Variants in RABGAP1 observed in about 807,000 individuals in gnomAD.
RABGAP1 encodes the protein rab GTPase-activating protein 1.
In RABGAP1, 23 loss-of-function variants were observed where a neutral mutation model predicts 137.6. That is an observed-to-expected ratio of 0.17 (90% CI 0.12 to 0.24). RABGAP1 has a LOEUF of 0.24. RABGAP1 is among the 10% of genes least tolerant of loss of function. The pLI is 1.00. For missense variants in RABGAP1, 906 were observed against 1,275.8 expected (o/e 0.71, Z 4.42); for synonymous variants, 451 against 450.7 (o/e 1.00, Z -0.01).
intron 13 of RABGAP1, among the ~76,000 whole-genome samples, chr9:123,052,015 C>T (rs2033504252): frequency 6.7e-6 from 1 of 150,272 alleles, no homozygotes; most frequent in Non-Finnish European, 1.5e-5. Flanking sequence ...CCGTATTAGC[C>T]AGAATGGTCT....
chr9:123,020,430 G>A lies in RABGAP1; in HGVS notation c.1765G>A (p.Val589Ile), dbSNP rs568626442. 1 of 1,602,524 alleles carries A rather than the reference G, an allele frequency of 6.2e-7. No homozygotes were observed. The highest frequency in any genetic ancestry group is 1.7e-5 in the Admixed American group (1 of 58,790). Reference sequence around the variant, plus strand: ...AGGCTGTCATAACAATGACCACCTGGTAGAGAAATACCGCATTCTTATCAC... The same window carrying A: ...AGGCTGTCATAACAATGACCACCTGATAGAGAAATACCGCATTCTTATCAC... ...LAGCHNNDHL[V>I]EKYRILITKE... The change falls in exon 13 of 26, where the codon GTA becomes ATA. Residue 589 changes from valine (V) to isoleucine (I), a missense_variant. This residue lies in a region of RABGAP1 where 212 missense variants were observed against 289.4 expected (regional missense o/e 0.73). Coordinates refer to ENST00000373647, the MANE Select transcript of RABGAP1 (RefSeq NM_012197.4).
intron 13 of RABGAP1, among the ~76,000 whole-genome samples, chr9:123,030,943 TATTA>T (rs1194736569): frequency 6.6e-6 from 1 of 152,186 alleles, no homozygotes; most frequent in Non-Finnish European, 1.5e-5. Context: ...TAAATGTGGC[TATTA>T]GTCTTTTTTT....
intron 13 of RABGAP1, among the ~76,000 whole-genome samples, chr9:123,057,864 AAC>A (rs957153674): frequency 6.6e-6 from 1 of 152,206 alleles, no homozygotes; most frequent in African/African-American, 2.4e-5. Flanking sequence ...CAGCCCCGCC[AAC>A]ACAGCAAAAC....
chr9:123,064,731 G>A (rs186638889), intron 13 of RABGAP1, among the ~76,000 whole-genome samples: 62 of 152,306 alleles, frequency 4.1e-4, no homozygotes, highest in Non-Finnish European at 7.4e-4. Context: ...CATTTGTTCC[G>A]TTTTAGTTAA....
At chr9:123,017,469 T>G (rs886284742) in intron 12 of RABGAP1, among the ~76,000 whole-genome samples, 6 of 152,228 alleles carry the variant, frequency 3.9e-5, no homozygotes, top group Admixed American at 3.9e-4. Flanking sequence ...GTGTCTCTTC[T>G]TTAGTTCATT....
intron 13 of RABGAP1, among the ~76,000 whole-genome samples, chr9:123,027,951 A>T (rs1253416331): frequency 1.3e-5 from 2 of 152,182 alleles, no homozygotes; most frequent in African/African-American, 4.8e-5. Context: ...TGTGAACATA[A>T]TTTTAAGCCC....
chr9:123,038,306 AT>A (rs2032776682), intron 13 of RABGAP1, among the ~76,000 whole-genome samples: 1 of 152,172 alleles, frequency 6.6e-6, no homozygotes, highest in Non-Finnish European at 1.5e-5. Flanking sequence ...CAAGCCTTTT[AT>A]AATGGCTTTT....
At chr9:123,037,887 A>T (rs1195767082) in intron 13 of RABGAP1, among the ~76,000 whole-genome samples, 1 of 152,106 alleles carries the variant, frequency 6.6e-6, no homozygotes, top group Non-Finnish European at 1.5e-5. Flanking sequence ...TTTAGTTTAA[A>T]TACCAGTCTG....
At chr9:123,011,616 CATA>C (rs1390396818) in intron 11 of RABGAP1, among the ~76,000 whole-genome samples, 1 of 152,158 alleles carries the variant, frequency 6.6e-6, no homozygotes, top group Non-Finnish European at 1.5e-5. Flanking sequence ...ATATAATCCT[CATA>C]ATAATCCTGA....
At chr9:123,062,277 A>G (rs2034006425) in intron 13 of RABGAP1, 1 of 152,204 alleles carries the variant, frequency 6.6e-6, no homozygotes, top group African/African-American at 2.4e-5. Context: ...GAAAAGGAAT[A>G]TATATTGTTG....
rs778972766 is a variant in RABGAP1 at position 123,018,735 on chromosome 9, C to A, written c.1644-1574C>A. ...GGCACCAGTGTCACAGAATAAATCA[C>A]TTTTAAATGTGCTGTGCAGAATTCT... On this transcript the variant is annotated intron_variant, in intron 12 of 25. Transcript: ENST00000373647. 2.8e-4 allele frequency among the ~76,000 whole-genome samples: 43 copies of A among 152,344 alleles called. 1 individual carries two copies. Among genetic ancestry groups the A allele is most frequent in the Non-Finnish European group, 2.9e-5 (2 of 68,040 alleles).
chr9:122,961,442 G>A (rs1278339197), intron 2 of RABGAP1, among the ~76,000 whole-genome samples: 2 of 152,122 alleles, frequency 1.3e-5, no homozygotes, highest in African/African-American at 2.4e-5. Flanking sequence ...TATTCAAAAC[G>A]GAAGGTTCCT....
intron 20 of RABGAP1, 24 bp from the exon 21 acceptor site, chr9:123,090,251 A>T (rs2034995060): frequency 6.4e-7 from 1 of 1,557,378 alleles, no homozygotes; most frequent in South Asian, 1.2e-5. Flanking sequence ...ATGTGTCTGT[A>T]ACTGGTTTCT....
At chr9:123,100,321 G>A (rs773895067) in intron 24 of RABGAP1, among the ~76,000 whole-genome samples, 2 of 151,890 alleles carry the variant, frequency 1.3e-5, no homozygotes, top group Non-Finnish European at 1.5e-5. Flanking sequence ...CTATGTTTGC[G>A]CAAAGCAACA....
At chr9:122,977,808 G>C (rs1222177300) in intron 2 of RABGAP1, among the ~76,000 whole-genome samples, 1 of 152,162 alleles carries the variant, frequency 6.6e-6, no homozygotes, top group Non-Finnish European at 1.5e-5. Flanking sequence ...AGACAGTTGA[G>C]GAAGGGATTG....
chr9:122,967,275 TAGG>T (rs1488496186), intron 2 of RABGAP1, among the ~76,000 whole-genome samples: 2 of 152,088 alleles, frequency 1.3e-5, no homozygotes, highest in Non-Finnish European at 2.9e-5. Context: ...CATTAGTAAA[TAGG>T]AGATCAGAAA....
chr9:122,977,849 G>T (rs1835844498), intron 2 of RABGAP1, among the ~76,000 whole-genome samples: 1 of 152,160 alleles, frequency 6.6e-6, no homozygotes. Flanking sequence ...TTTGTTGTTG[G>T]GAGTAGATAC....
chr9:122,953,810 C>G (rs1834375704), intron 1 of RABGAP1, among the ~76,000 whole-genome samples: 1 of 152,074 alleles, frequency 6.6e-6, no homozygotes, highest in Admixed American at 6.5e-5. Flanking sequence ...TTACTTTTTC[C>G]TTGGGTGGCT....
chr9:122,974,415 C>CTCTTTT (rs1835651911), intron 2 of RABGAP1, among the ~76,000 whole-genome samples: 1 of 58,218 alleles, frequency 1.7e-5, no homozygotes, highest in Non-Finnish European at 3.1e-5. Context: ...ATGGCTTTGT[C>CTCTTTT]TTTTTTTTTT....
Sources: allele counts gnomAD v4.1 joint callset (sites outside exome capture counted in the v4.1 genomes callset), GRCh38; gene constraint gnomAD v4.1.1; regional missense constraint gnomAD v4.1.1; transcripts MANE v1.5; gene names NCBI Gene and HGNC (gene_info 2026-07-23, HGNC 2026-07-21).